The following CLMP variants were observed in gnomAD, a reference collection of about 807,000 sequenced individuals.
The protein encoded by CLMP is CXADR like cell adhesion molecule.
Under a neutral mutation model 45.2 loss-of-function variants are expected in CLMP, and 27 were observed. The ratio of observed to expected loss-of-function variants is 0.60; its 90% confidence interval spans 0.44 to 0.82. CLMP has a LOEUF of 0.82. Ranked by LOEUF, CLMP falls within the 40% of genes least tolerant of loss-of-function variation. The pLI, the probability that CLMP is intolerant of heterozygous loss-of-function variation, is 0.00. For missense variants in CLMP, 403 were observed against 448.4 expected (o/e 0.90, Z 0.91); for synonymous variants, 167 against 171.4 (o/e 0.97, Z 0.20).
Position 123,189,028 on chromosome 11 carries a change from A to G in CLMP, c.28+5885T>C, listed in dbSNP as rs1861868498. On this transcript the variant is annotated intron_variant, in intron 1 of 6. Coordinates refer to ENST00000448775, the MANE Select transcript of CLMP (RefSeq NM_024769.5). ...CATGCATCTGACCCCAAAGCATCTG[A>G]CCTCTTGGACACTAGAAGGGTCTTC... 4 of 152,216 alleles carry G rather than the reference A, an allele frequency of 2.6e-5. No individual in the cohort carries two copies. The South Asian group carries it at 8.3e-4, about 32-fold the overall frequency. 9.4% of individuals were successfully genotyped at this position (152,216 alleles called of 1,614,324 possible). A position where few individuals can be genotyped will look rare whatever the true frequency, so the allele number is the denominator to read the frequency against.
rs368301408 is a variant in CLMP at position 123,134,534 on chromosome 11, C to T, written c.29-36582G>A. Among the ~76,000 whole-genome samples the T allele has an allele frequency of 2.3e-4, 33 of 143,896 alleles. No homozygotes were observed. The East Asian group carries it at 4.0e-3, about 17-fold the overall frequency. 94.4% of individuals were successfully genotyped at this position (143,896 alleles called of 152,430 possible). On this transcript the variant is annotated intron_variant, in intron 1 of 6. Coordinates refer to ENST00000448775, the MANE Select transcript of CLMP (RefSeq NM_024769.5). ...TCAAATTTGCACTCTAGACTGGGCA[C>T]GGTGGCTCACACCTGTAATCCCAGC...
At chr11:123,156,561 T>C (rs1258709782) in intron 1 of CLMP, among the ~76,000 whole-genome samples, 1 of 152,206 alleles carries the variant, frequency 6.6e-6, no homozygotes, top group Non-Finnish European at 1.5e-5. Context: ...TAGTGATAGA[T>C]AACTGATGGA....
chr11:123,183,625 C>T (rs1480395184), intron 1 of CLMP, among the ~76,000 whole-genome samples: 1 of 152,146 alleles, frequency 6.6e-6, no homozygotes, highest in African/African-American at 2.4e-5. Context: ...ACTGAGAATC[C>T]TGCATTCCAT....
chr11:123,088,192 G>A (rs1299594744), intron 2 of CLMP, among the ~76,000 whole-genome samples: 1 of 152,162 alleles, frequency 6.6e-6, no homozygotes, highest in East Asian at 1.9e-4. Flanking sequence ...TTACAGGTGT[G>A]AGCCACCATG....
intron 1 of CLMP, among the ~76,000 whole-genome samples, chr11:123,154,183 G>A (rs937250569): frequency 3.9e-5 from 6 of 152,050 alleles, no homozygotes; most frequent in East Asian, 1.9e-4. Context: ...ATGCCAAACC[G>A]TGCCCTCTCT....
intron 1 of CLMP, among the ~76,000 whole-genome samples, chr11:123,161,360 T>G (rs978295426): frequency 4.6e-5 from 7 of 152,172 alleles, no homozygotes; most frequent in Non-Finnish European, 8.8e-5. Context: ...AGCACTGATT[T>G]TTTTTTTCTT....
intron 1 of CLMP, among the ~76,000 whole-genome samples, chr11:123,119,334 C>G (rs1163444345): frequency 6.6e-6 from 1 of 151,798 alleles, no homozygotes; most frequent in African/African-American, 2.4e-5. Flanking sequence ...CCGCCTGCCT[C>G]GGCCTCCCAA....
At chr11:123,091,253 T>C (rs1865929252) in intron 2 of CLMP, among the ~76,000 whole-genome samples, 2 of 152,070 alleles carry the variant, frequency 1.3e-5, no homozygotes, top group South Asian at 2.1e-4. Context: ...CACAGGCGCA[T>C]GCCACCACGT....
intron 2 of CLMP, among the ~76,000 whole-genome samples, chr11:123,087,573 A>C (rs1031351855): frequency 1.3e-5 from 2 of 152,014 alleles, no homozygotes; most frequent in African/African-American, 4.8e-5. Flanking sequence ...CTGTAATCCC[A>C]GTACTTTGGG....
At chr11:123,133,905 A>C (rs1861028279) in intron 1 of CLMP, among the ~76,000 whole-genome samples, 2 of 152,120 alleles carry the variant, frequency 1.3e-5, no homozygotes, top group Admixed American at 6.6e-5. Flanking sequence ...TAGTAAAAAC[A>C]TGTCTAACTA....
At chr11:123,194,777 G>T (rs1018215560) in intron 1 of CLMP, 136 bp downstream of exon 1, 3 of 1,050,652 alleles carry the variant, frequency 2.9e-6, no homozygotes, top group African/African-American at 3.2e-5. Context: ...CTCCTCCGTG[G>T]CCAGGAGGCA....
intron 1 of CLMP, among the ~76,000 whole-genome samples, chr11:123,107,356 G>C (rs1388535780): frequency 6.6e-6 from 1 of 151,580 alleles, no homozygotes; most frequent in East Asian, 2.0e-4. Flanking sequence ...TCAGCCTTGT[G>C]AATAGCTGGG....
At position 123,189,705 on chromosome 11, in the gene CLMP, A is replaced by T. The variant is rs556221025; in HGVS notation, c.28+5208T>A. Among the ~76,000 whole-genome samples, 27 of 152,272 alleles carry T rather than the reference A, an allele frequency of 1.8e-4. No homozygotes were observed. In the South Asian group the frequency reaches 2.1e-3, roughly 12 times the overall value. ...TGCTTTATATGCACATTTTGCCTTA[A>T]TTTTAAAAGTAGAAGAAAATGGCCA... On this transcript the variant is annotated intron_variant, in intron 1 of 6. Transcript: ENST00000448775.
At chr11:123,162,528 C>A (rs1861499180) in intron 1 of CLMP, among the ~76,000 whole-genome samples, 1 of 152,104 alleles carries the variant, frequency 6.6e-6, no homozygotes. Flanking sequence ...TTGCTGGGAG[C>A]AAGACACCGT....
chr11:123,194,948 C>G lies in CLMP; in HGVS notation c.-8G>C, dbSNP rs775735716. The G allele has an allele frequency of 7.4e-6, 12 of 1,612,068 alleles. No homozygotes were observed. The highest frequency in any genetic ancestry group is 3.3e-5 in the Admixed American group (2 of 59,866). ...GAGAAGGAGGAGGGACATCCCGATC[C>G]CCGGACGCGGGCGCTTCCCCGCTCA... On this transcript the variant is annotated 5_prime_UTR_variant, in exon 1 of 7. Coordinates refer to ENST00000448775, the MANE Select transcript of CLMP (RefSeq NM_024769.5).
At chr11:123,118,991 T>C (rs369804585) in intron 1 of CLMP, among the ~76,000 whole-genome samples, 153 of 25,920 alleles carry the variant, frequency 5.9e-3, no homozygotes, top group Non-Finnish European at 7.2e-3. Flanking sequence ...CTTTCTTTCT[T>C]TCTTTCTTTC....
rs58008001 is a variant in CLMP at position 123,145,463 on chromosome 11, T to G, written c.29-47511A>C. ...TCAGCTCTGCGGCTGTTTTTTTTTTTTTTTTTTTTTTTTTTTGAGACGGGA... is the reference window on the plus strand; with the variant it reads ...TCAGCTCTGCGGCTGTTTTTTTTTTGTTTTTTTTTTTTTTTTGAGACGGGA... On this transcript the variant is annotated intron_variant, in intron 1 of 6. Coordinates refer to ENST00000448775, the MANE Select transcript of CLMP (RefSeq NM_024769.5). Among the ~76,000 whole-genome samples, 181 of 66,956 alleles carry G rather than the reference T, an allele frequency of 2.7e-3. 2 individuals carry two copies. The highest frequency in any genetic ancestry group is 0.014 in the African/African-American group (166 of 12,174). The allele number at this position is 66,956 out of a possible 152,430, so 43.9% of individuals were successfully genotyped here.
intron 1 of CLMP, among the ~76,000 whole-genome samples, chr11:123,118,995 TTCTTTCTC>T (rs1565387902): frequency 1.5e-3 from 27 of 18,384 alleles, no homozygotes; most frequent in South Asian, 7.1e-3. Flanking sequence ...CTTTCTTTCT[TTCTTTCTC>T]TCTCTCTCTC....
At position 123,172,650 on chromosome 11, in the gene CLMP, T is replaced by C. The variant is rs550199079; in HGVS notation, c.28+22263A>G. ...TCGTGAGCCACTATACTTGGCTAAT[T>C]TTTTGTTAATTATTTTGTAGAGACA... On this transcript the variant is annotated intron_variant, in intron 1 of 6. Coordinates refer to ENST00000448775, the MANE Select transcript of CLMP (RefSeq NM_024769.5). Among the ~76,000 whole-genome samples the C allele has an allele frequency of 5.9e-5, 9 of 152,186 alleles. No homozygotes were observed. The South Asian group carries it at 1.7e-3, about 28-fold the overall frequency.
Sources: allele counts gnomAD v4.1 joint callset (sites outside exome capture counted in the v4.1 genomes callset), GRCh38; gene constraint gnomAD v4.1.1; transcripts MANE v1.5; gene names NCBI Gene and HGNC (gene_info 2026-07-23, HGNC 2026-07-21).